GRSF1: variants seen among roughly 807,000 people sequenced by gnomAD.
GRSF1 encodes the protein G-rich sequence factor 1.
GRSF1 carries 50 observed loss-of-function variants against 51.1 expected under a neutral mutation model. That is an observed-to-expected ratio of 0.98 (90% CI 0.78 to 1.24). GRSF1 has a LOEUF of 1.24. Among genes scored for constraint, GRSF1 ranks in the 50% most tolerant of loss-of-function variants. The pLI, the probability that GRSF1 is intolerant of heterozygous loss-of-function variation, is 0.00. For missense variants in GRSF1, 700 were observed against 639.7 expected, an observed-to-expected ratio of 1.09 and a Z score of -1.02; for synonymous variants, 293 against 253.3, an observed-to-expected ratio of 1.16 and a Z score of -1.49.
chr4:70,823,972 C>CTT (rs1560594040), intron 9 of GRSF1, among the ~76,000 whole-genome samples: 5 of 22,536 alleles, frequency 2.2e-4, no homozygotes, highest in East Asian at 4.3e-3. Flanking sequence ...AGTTGTATCT[C>CTT]TCTCTTTTTT....
intron 8 of GRSF1, among the ~76,000 whole-genome samples, chr4:70,824,872 G>T (rs956967112): frequency 6.6e-6 from 1 of 152,078 alleles, no homozygotes; most frequent in Non-Finnish European, 1.5e-5. Flanking sequence ...GGAGGTCGAG[G>T]CAGGTGGACC....
rs975050878 is a variant in GRSF1, at chr4:70,839,186, G to A, written c.357+285C>T. 4.1e-5 allele frequency: 57 copies of A among 1,384,538 alleles called. 1 individual carries two copies. The East Asian group carries it at 1.8e-3, about 44-fold the overall frequency. The allele number at this position is 1,384,538 out of a possible 1,614,324, so 85.8% of individuals were successfully genotyped here. On this transcript the variant is annotated intron_variant, in intron 1 of 9. Coordinates refer to ENST00000254799, the MANE Select transcript of GRSF1 (RefSeq NM_002092.4). The stretch of plus-strand genomic sequence containing the variant: ...GCCTCACGAAACCTACCATGGGCCA[G>A]GCGGGGAACAAGGCCTCAACATTCA...
At chr4:70,828,158 T>C (rs1733809005) in intron 5 of GRSF1, 122 bp from the exon 6 acceptor site, 1 of 703,992 alleles carries the variant, frequency 1.4e-6, no homozygotes, top group Non-Finnish European at 2.4e-6. Context: ...TGTCAAAAGA[T>C]AACAGGTAGG....
At chr4:70,822,339 T>C (rs1484029787) in intron 9 of GRSF1, among the ~76,000 whole-genome samples, 1 of 151,808 alleles carries the variant, frequency 6.6e-6, no homozygotes, top group Admixed American at 6.6e-5. Flanking sequence ...TCCCAGCACT[T>C]TGGGAGGCTG....
rs1208697395 is a variant in GRSF1, at chr4:70,820,624, A to G, written c.*263T>C. 1 of 152,302 alleles carries G rather than the reference A, an allele frequency of 6.6e-6. No individual in the cohort carries two copies. Among genetic ancestry groups the G allele is most frequent in the Non-Finnish European group, 1.5e-5 (1 of 68,024 alleles). 9.4% of individuals were successfully genotyped at this position (152,302 alleles called of 1,614,324 possible). ...AACCATTTAATCATATAAAACAAAG[A>G]CCATATTTTTAAATCAGATCCTGGA... is the stretch of plus-strand genomic sequence containing the variant. On this transcript the variant is annotated 3_prime_UTR_variant, in exon 10 of 10. Transcript: ENST00000254799.
intron 8 of GRSF1, 108 bp downstream of exon 8, chr4:70,825,188 G>T (rs1260599724): frequency 1.7e-5 from 14 of 838,292 alleles, no homozygotes; most frequent in East Asian, 2.7e-5. Context: ...AGTACTAAAA[G>T]AATACAAATT....
Position 70,817,758 on chromosome 4 carries a change from T to C in GRSF1, c.*3129A>G, listed in dbSNP as rs1307312776. On this transcript the variant is annotated 3_prime_UTR_variant, in exon 10 of 10. Coordinates refer to ENST00000254799, the MANE Select transcript of GRSF1 (RefSeq NM_002092.4). ...ACTTACAATCCAGCAACCTGGTTCC[T>C]TGGTATTTACCCAAAGGAGCTGAAA... The C allele has an allele frequency of 6.6e-6, 1 of 152,218 alleles. No homozygotes were observed. Among genetic ancestry groups the C allele is most frequent in the Admixed American group, 6.5e-5 (1 of 15,278 alleles). 9.4% of individuals were successfully genotyped at this position (152,218 alleles called of 1,614,324 possible). A position where few individuals can be genotyped will look rare whatever the true frequency, so the allele number is the denominator to read the frequency against.
At chr4:70,824,626 A>C (rs1277889022) in intron 8 of GRSF1, among the ~76,000 whole-genome samples, 1 of 151,954 alleles carries the variant, frequency 6.6e-6, no homozygotes. Context: ...TCTACTAAAA[A>C]TACAAAAATT....
chr4:70,835,323 G>A (rs1228781253), intron 2 of GRSF1, among the ~76,000 whole-genome samples: 2 of 151,124 alleles, frequency 1.3e-5, no homozygotes, highest in African/African-American at 2.4e-5. Flanking sequence ...GTCGCTACTA[G>A]GGAGGCTGAG....
At chr4:70,833,985 C>A (rs910804273) in intron 2 of GRSF1, among the ~76,000 whole-genome samples, 1 of 152,164 alleles carries the variant, frequency 6.6e-6, no homozygotes, top group African/African-American at 2.4e-5. Flanking sequence ...AATAGCCAGG[C>A]ATGGTGGTTC....
intron 5 of GRSF1, among the ~76,000 whole-genome samples, chr4:70,829,706 G>C (rs891060133): frequency 6.6e-6 from 1 of 152,186 alleles, no homozygotes; most frequent in Non-Finnish European, 1.5e-5. Flanking sequence ...AAGGAAAGCT[G>C]AGATGGCAGG....
chr4:70,822,019 AATGAGCCATT>A (rs1733534212), intron 9 of GRSF1, among the ~76,000 whole-genome samples: 2 of 152,186 alleles, frequency 1.3e-5, no homozygotes, highest in South Asian at 4.2e-4. Flanking sequence ...GTCTCAAAAG[AATGAGCCATT>A]ACCTGTAGAA....
chr4:70,832,323 A>C lies in GRSF1; in HGVS notation c.798T>G (p.Ile266Met). 1 of 1,613,626 alleles carries C rather than the reference A, an allele frequency of 6.2e-7. No homozygotes were observed. The highest frequency in any genetic ancestry group is 8.5e-7 in the Non-Finnish European group (1 of 1,179,670). ...GLPYSCNEKD[I>M]VDFFAGLNIV... ...GCAAAGTACCTGCAAAGAAGTCTAC[A>C]ATGTCTTTCTCATTGCAACTATAAG... Residue 266 changes from isoleucine to methionine, a missense_variant, in exon 4 of 10, where the codon ATT becomes ATG. By Grantham distance (10) the Ile-to-Met change is conservative. Coordinates refer to ENST00000254799, the MANE Select transcript of GRSF1 (RefSeq NM_002092.4).
Position 70,831,704 on chromosome 4 carries a change from A to G in GRSF1, c.815-30T>C, listed in dbSNP as rs1733975043. ...GACACCAAGAGATTTTAATGCTACT[A>G]GCAGGCTTTTTTATCCTTAGAATTA... On this transcript the variant is annotated intron_variant, in intron 4 of 9. Transcript: ENST00000254799. 6 of 1,582,140 alleles carry G rather than the reference A, an allele frequency of 3.8e-6. 1 individual carries two copies. In the South Asian group the frequency reaches 4.6e-5, roughly 12 times the overall value.
At chr4:70,831,123 C>T (rs568724819) in intron 5 of GRSF1, among the ~76,000 whole-genome samples, 2 of 151,852 alleles carry the variant, frequency 1.3e-5, no homozygotes, top group East Asian at 2.0e-4. Context: ...TTTGGGAGGC[C>T]GAGGCGGGCG....
chr4:70,828,431 G>GTA (rs945122276), intron 5 of GRSF1, among the ~76,000 whole-genome samples: 1 of 152,136 alleles, frequency 6.6e-6, no homozygotes, highest in Non-Finnish European at 1.5e-5. Flanking sequence ...AATCATATCT[G>GTA]TATAAGATAT....
At chr4:70,831,751 T>C in intron 4 of GRSF1, 77 bp from the exon 5 acceptor site, 2 of 1,298,846 alleles carry the variant, frequency 1.5e-6, no homozygotes, top group Non-Finnish European at 2.1e-6. Flanking sequence ...CACATACTAA[T>C]AAAATTTTTA....
chr4:70,825,506 C>A, intron 7 of GRSF1, 75 bp from the exon 8 acceptor site: 2 of 1,206,676 alleles, frequency 1.7e-6, no homozygotes, highest in South Asian at 1.9e-5. Context: ...GGCTCTTCAT[C>A]TTTCTTTCAG....
intron 5 of GRSF1, among the ~76,000 whole-genome samples, chr4:70,830,430 A>G (rs1473522910): frequency 6.8e-6 from 1 of 147,880 alleles, no homozygotes; most frequent in African/African-American, 2.5e-5. Flanking sequence ...GGGTGACAGA[A>G]TAAGACCCTG....
Sources: allele counts gnomAD v4.1 joint callset (sites outside exome capture counted in the v4.1 genomes callset), GRCh38; gene constraint gnomAD v4.1.1; transcripts MANE v1.5; gene names NCBI Gene and HGNC (gene_info 2026-07-23, HGNC 2026-07-21).